KCTD19: variants seen among roughly 807,000 people sequenced by gnomAD.
KCTD19 encodes BTB/POZ domain-containing protein KCTD19.
Under a neutral mutation model 103.5 loss-of-function variants are expected in KCTD19, and 67 were observed. The observed-to-expected ratio is 0.65, with a 90% CI of 0.53 to 0.79. KCTD19 has a LOEUF of 0.79. Among genes scored for constraint, KCTD19 ranks in the 30% least tolerant of loss-of-function variants. KCTD19 has a pLI of 0.00. For synonymous variants in KCTD19, 439 were observed against 452.2 expected (o/e 0.97, Z 0.37); for missense variants, 980 against 1,136.1 (o/e 0.86, Z 1.98).
chr16:67,322,700 T>C (rs905389637), intron 1 of KCTD19, among the ~76,000 whole-genome samples: 2 of 152,136 alleles, frequency 1.3e-5, no homozygotes, highest in Non-Finnish European at 2.9e-5. Context: ...ACCAAAAAAA[T>C]AGATAAATGG....
intron 2 of KCTD19, among the ~76,000 whole-genome samples, chr16:67,318,517 G>A (rs1005645380): frequency 2.1e-5 from 3 of 140,750 alleles, no homozygotes; most frequent in Non-Finnish European, 4.5e-5. Context: ...CCGAGATAGC[G>A]CCACTGCACT....
intron 12 of KCTD19, among the ~76,000 whole-genome samples, chr16:67,292,353 G>A (rs2036709264): frequency 6.6e-6 from 1 of 152,112 alleles, no homozygotes; most frequent in Admixed American, 6.5e-5. Flanking sequence ...GGCCTGTCCT[G>A]GCCACTCCTC....
intron 8 of KCTD19, 77 bp from the exon 9 acceptor site, chr16:67,295,482 C>T (rs2036755094): frequency 7.2e-7 from 1 of 1,390,814 alleles, no homozygotes; most frequent in East Asian, 2.3e-5. Context: ...TCTCTCACTC[C>T]CCTTTTCCAA....
At chr16:67,302,913 A>C (rs2036850285) in intron 4 of KCTD19, 1 of 525,858 alleles carries the variant, frequency 1.9e-6, no homozygotes, top group African/African-American at 1.9e-5. Flanking sequence ...TGACACTTTT[A>C]CAGCCAGGCC....
At chr16:67,316,733 C>G (rs2037017166) in intron 2 of KCTD19, among the ~76,000 whole-genome samples, 1 of 152,140 alleles carries the variant, frequency 6.6e-6, no homozygotes, top group Admixed American at 6.5e-5. Context: ...ACTCCTGTAT[C>G]TCCAGAACTT....
In KCTD19 at chr16:67,303,355, G is replaced by A; in HGVS notation, c.452-18C>T. ...ATGTAGGCCTGGAAGAGAACATGCAGGCAGTGTTGCCACCTCTCAGAAGCC... is the reference window on the plus strand; with the variant it reads ...ATGTAGGCCTGGAAGAGAACATGCAAGCAGTGTTGCCACCTCTCAGAAGCC... On this transcript the variant is annotated intron_variant, in intron 3 of 15. Transcript: ENST00000304372. This position sits in a 1 kb window ranked among gnomAD's most constrained non-coding sequence, Gnocchi z 4.3. 5 of 1,596,126 alleles carry A rather than the reference G, an allele frequency of 3.1e-6. No homozygotes were observed. The highest frequency in any genetic ancestry group is 4.3e-6 in the Non-Finnish European group (5 of 1,169,252).
chr16:67,292,909 A>C (rs995747059), intron 12 of KCTD19, among the ~76,000 whole-genome samples: 2 of 152,020 alleles, frequency 1.3e-5, no homozygotes, highest in African/African-American at 4.8e-5. Flanking sequence ...ACAGGCTAGA[A>C]ACCTGGCTTC....
intron 2 of KCTD19, among the ~76,000 whole-genome samples, chr16:67,317,468 ACT>A (rs910150378): frequency 6.6e-5 from 10 of 150,638 alleles, no homozygotes; most frequent in Admixed American, 4.7e-4. Context: ...ACAGAGTGAG[ACT>A]CTGTCTCCAA....
chr16:67,291,279 GC>G, intron 14 of KCTD19, 29 bp downstream of exon 14: 1 of 1,604,124 alleles, frequency 6.2e-7, no homozygotes, highest in Non-Finnish European at 8.5e-7. Flanking sequence ...GGTACAGGGT[GC>G]CCCAGGGCCT....
chr16:67,299,703 C>T, intron 5 of KCTD19, 130 bp from the exon 6 acceptor site: 1 of 671,222 alleles, frequency 1.5e-6, no homozygotes, highest in Non-Finnish European at 2.5e-6. Context: ...TTTCTTTGCA[C>T]AGTCCAAATC....
chr16:67,316,232 C>A (rs1567454233), intron 2 of KCTD19, among the ~76,000 whole-genome samples: 1 of 151,184 alleles, frequency 6.6e-6, no homozygotes, highest in Admixed American at 6.6e-5. Context: ...TTTGTAGAGA[C>A]AGCTTTTGCC....
rs1220101740 is a variant in KCTD19 at position 67,297,572 on chromosome 16, A to G, written c.1078T>C (p.Tyr360His). The G allele has an allele frequency of 6.2e-7, 1 of 1,614,136 alleles. No individual in the cohort carries two copies. Among genetic ancestry groups the G allele is most frequent in the South Asian group, 1.1e-5 (1 of 91,080 alleles). ...TTCAAAGCAACTTTGATTGGCTCGTAGGTGATGTCCCTTTTGTCTAGGAAG... is the reference window on the plus strand; with the variant it reads ...TTCAAAGCAACTTTGATTGGCTCGTGGGTGATGTCCCTTTTGTCTAGGAAG... ...CAFLDKRDITYEPIKVALKTH... is the reference protein window; with the variant it reads ...CAFLDKRDITHEPIKVALKTH... The change falls in exon 7 of 16, where the codon TAC becomes CAC. Residue 360 changes from tyrosine to histidine, a missense_variant. Transcript: ENST00000304372.
intron 14 of KCTD19, 127 bp downstream of exon 14, chr16:67,291,182 T>G (rs1367066712): frequency 2.4e-6 from 3 of 1,258,762 alleles, no homozygotes; most frequent in Non-Finnish European, 3.3e-6. Context: ...ACCACTCTTC[T>G]GGCCCTGGCC....
At chr16:67,291,245 TG>T in intron 14 of KCTD19, 63 bp downstream of exon 14, 1 of 1,558,144 alleles carries the variant, frequency 6.4e-7, no homozygotes, top group Non-Finnish European at 8.7e-7. Flanking sequence ...CCACTTATTG[TG>T]GGGCAGGGGA....
intron 1 of KCTD19, among the ~76,000 whole-genome samples, chr16:67,324,909 C>G (rs1054963311): frequency 1.3e-5 from 2 of 152,164 alleles, no homozygotes; most frequent in Admixed American, 1.3e-4. Context: ...ATGAGCTAAC[C>G]TAGAATTCTA....
In KCTD19 at chr16:67,303,767, G is replaced by A. The variant is rs909793080; in HGVS notation, c.452-430C>T. 6.6e-6 allele frequency among the ~76,000 whole-genome samples: 1 copy of A among 151,884 alleles called. No homozygotes were observed. The highest frequency in any genetic ancestry group is 1.5e-5 in the Non-Finnish European group (1 of 67,962). Reference sequence around the variant, plus strand: ...TTCACCATGTTGTCAGGCTGGTCTCGAACTCCTGACCTCACGTGATCCATC... The same window carrying A: ...TTCACCATGTTGTCAGGCTGGTCTCAAACTCCTGACCTCACGTGATCCATC... On this transcript the variant is annotated intron_variant, in intron 3 of 15. Transcript: ENST00000304372. This position sits in a 1 kb window ranked among gnomAD's most constrained non-coding sequence, Gnocchi z 4.3.
At chr16:67,318,607 C>T (rs1567454723) in intron 2 of KCTD19, among the ~76,000 whole-genome samples, 1 of 146,858 alleles carries the variant, frequency 6.8e-6, no homozygotes, top group Non-Finnish European at 1.5e-5. Context: ...TATTTTGTTT[C>T]AATTTGGGAA....
At chr16:67,294,237 T>C (rs1335771795) in intron 11 of KCTD19, 66 bp from the exon 12 acceptor site, 2 of 1,485,154 alleles carry the variant, frequency 1.3e-6, no homozygotes, top group East Asian at 4.6e-5. Context: ...TTGCCCAAGA[T>C]CTAATAAGCT....
intron 5 of KCTD19, among the ~76,000 whole-genome samples, chr16:67,301,561 C>A (rs568405991): frequency 6.6e-6 from 1 of 152,228 alleles, no homozygotes; most frequent in South Asian, 2.1e-4. Flanking sequence ...GCTTTCTACA[C>A]CCCTGGCTGG....
Sources: gnomAD v4.1 joint callset for allele counts (sites outside exome capture counted in the v4.1 genomes callset) on GRCh38, gnomAD v4.1.1 for gene constraint, Gnocchi (gnomAD v3.1) non-coding constraint, MANE v1.5 for transcripts, NCBI Gene and HGNC (gene_info 2026-07-23, HGNC 2026-07-21) for gene names.